The following FBXW7 variants were observed in gnomAD, a reference collection of about 807,000 sequenced individuals.
FBXW7 encodes F-box/WD repeat-containing protein 7.
A neutral mutation model predicts 86.3 loss-of-function variants in FBXW7; 11 were observed. The observed-to-expected ratio is 0.13, with a 90% CI of 0.08 to 0.21. FBXW7 has a LOEUF of 0.21. FBXW7 is among the 10% of genes least tolerant of loss of function. FBXW7 has a pLI of 1.00. For synonymous variants in FBXW7, 313 were observed against 297.9 expected (o/e 1.05, Z -0.52); for missense variants, 488 against 847.4 (o/e 0.58, Z 5.27).
chr4:152,420,497 T>G (rs1288977154), intron 2 of FBXW7, among the ~76,000 whole-genome samples: 1 of 152,200 alleles, frequency 6.6e-6, no homozygotes, highest in Non-Finnish European at 1.5e-5. Context: ...CAGAAGGTTT[T>G]TGGTTTACTT....
chr4:152,346,917 TTAG>T lies in FBXW7; in HGVS notation c.726+10_726+12del. 2 of 1,611,658 alleles carry T rather than the reference TTAG, an allele frequency of 1.2e-6. No individual in the cohort carries two copies. Among genetic ancestry groups the T allele is most frequent in the Non-Finnish European group, 1.7e-6 (2 of 1,179,104 alleles). On this transcript the variant is annotated intron_variant, in intron 6 of 13. Coordinates refer to ENST00000281708, the MANE Select transcript of FBXW7 (RefSeq NM_001349798.2). ...AAGTGAGGCATTTCAAGTACTATGT[TTAG>T]ATATGTCACCTGAAACATTTTTAGC...
intron 4 of FBXW7, among the ~76,000 whole-genome samples, chr4:152,377,109 C>T (rs189715041): frequency 3.9e-5 from 6 of 151,950 alleles, no homozygotes; most frequent in East Asian, 1.9e-4. Flanking sequence ...ATAGTTGAAA[C>T]GTGTTAAGTT....
intron 2 of FBXW7, among the ~76,000 whole-genome samples, chr4:152,464,414 A>G (rs1037249836): frequency 6.6e-6 from 1 of 152,202 alleles, no homozygotes; most frequent in African/African-American, 2.4e-5. Context: ...CAGACTGAGG[A>G]AAAAGGGTAT....
At chr4:152,445,923 A>T (rs1428372904) in intron 2 of FBXW7, among the ~76,000 whole-genome samples, 5,615 of 63,950 alleles carry the variant, frequency 0.088, 407 homozygotes, top group African/African-American at 0.37. Context: ...AAAAAAAAAA[A>T]AAAAAAAAAA....
At chr4:152,414,487 T>C (rs1052450885) in intron 2 of FBXW7, among the ~76,000 whole-genome samples, 2 of 152,114 alleles carry the variant, frequency 1.3e-5, no homozygotes, top group African/African-American at 4.8e-5. Context: ...CACAAATGAC[T>C]ATAAAAGTAT....
At chr4:152,349,925 T>G in intron 5 of FBXW7, 117 bp downstream of exon 5, 2 of 461,106 alleles carry the variant, frequency 4.3e-6, no homozygotes. Flanking sequence ...TCTCAAAATG[T>G]GTTAAACAGT....
At chr4:152,470,011 AAAG>A (rs921997297) in intron 2 of FBXW7, among the ~76,000 whole-genome samples, 4 of 152,076 alleles carry the variant, frequency 2.6e-5, no homozygotes, top group Non-Finnish European at 5.9e-5. Context: ...ATTTTTTAAA[AAAG>A]AAGATGAAAC....
intron 4 of FBXW7, among the ~76,000 whole-genome samples, chr4:152,361,546 T>C (rs927470730): frequency 6.6e-6 from 1 of 152,098 alleles, no homozygotes; most frequent in Non-Finnish European, 1.5e-5. Context: ...GTAAGACTGA[T>C]AGTTAGAAGC....
At chr4:152,376,660 C>G (rs1029755703) in intron 4 of FBXW7, among the ~76,000 whole-genome samples, 1 of 151,866 alleles carries the variant, frequency 6.6e-6, no homozygotes, top group African/African-American at 2.4e-5. Flanking sequence ...GAACCTAACA[C>G]AGTATTGCTA....
At chr4:152,434,181 T>C (rs1420865439) in intron 2 of FBXW7, among the ~76,000 whole-genome samples, 2 of 152,180 alleles carry the variant, frequency 1.3e-5, no homozygotes, top group Admixed American at 6.5e-5. Context: ...GGGATGCCTA[T>C]ATATGGACAG....
chr4:152,436,754 A>G (rs1409529844), intron 2 of FBXW7, among the ~76,000 whole-genome samples: 1 of 152,184 alleles, frequency 6.6e-6, no homozygotes, highest in Non-Finnish European at 1.5e-5. Context: ...TAGGCTAAAT[A>G]TACTCTCCCT....
At chr4:152,473,069 T>C (rs1744104578) in intron 2 of FBXW7, among the ~76,000 whole-genome samples, 1 of 152,102 alleles carries the variant, frequency 6.6e-6, no homozygotes, top group Non-Finnish European at 1.5e-5. Flanking sequence ...GGAGACCCCG[T>C]CTCTATGAAA....
intron 2 of FBXW7, among the ~76,000 whole-genome samples, chr4:152,463,980 C>A (rs1743189990): frequency 6.6e-6 from 1 of 151,954 alleles, no homozygotes; most frequent in South Asian, 2.1e-4. Context: ...AGCAAAAAAA[C>A]AAATGCTAAA....
intron 2 of FBXW7, among the ~76,000 whole-genome samples, chr4:152,437,550 A>C (rs1296911967): frequency 6.6e-6 from 1 of 152,210 alleles, no homozygotes; most frequent in East Asian, 1.9e-4. Flanking sequence ...TAGTTTCCTG[A>C]GACAAAGTTA....
intron 4 of FBXW7, among the ~76,000 whole-genome samples, chr4:152,392,657 G>T (rs1736095697): frequency 6.6e-6 from 1 of 152,164 alleles, no homozygotes. Flanking sequence ...CTTTGACGGT[G>T]ATTGGTCAGG....
chr4:152,452,102 T>A (rs948551089), intron 2 of FBXW7, among the ~76,000 whole-genome samples: 1 of 152,206 alleles, frequency 6.6e-6, no homozygotes, highest in Non-Finnish European at 1.5e-5. Flanking sequence ...GATATGAGCA[T>A]CCAACTGTCT....
intron 6 of FBXW7, among the ~76,000 whole-genome samples, chr4:152,343,023 A>G (rs578221891): frequency 1.7e-4 from 26 of 152,296 alleles, no homozygotes; most frequent in African/African-American, 6.3e-4. Flanking sequence ...AGCAAATAAG[A>G]TGTAAATAAA....
intron 4 of FBXW7, among the ~76,000 whole-genome samples, chr4:152,371,914 G>T (rs1734037282): frequency 1.3e-5 from 2 of 151,898 alleles, no homozygotes; most frequent in Non-Finnish European, 2.9e-5. Context: ...GATTCCTTAA[G>T]GGAAAGGTGT....
At chr4:152,428,326 G>C (rs938193037) in intron 2 of FBXW7, among the ~76,000 whole-genome samples, 1 of 152,032 alleles carries the variant, frequency 6.6e-6, no homozygotes, top group Non-Finnish European at 1.5e-5. Context: ...TTCAGTAAAG[G>C]ATTTTATAAA....
Sources: allele counts gnomAD v4.1 joint callset (sites outside exome capture counted in the v4.1 genomes callset), GRCh38; gene constraint gnomAD v4.1.1; transcripts MANE v1.5; gene names NCBI Gene and HGNC (gene_info 2026-07-23, HGNC 2026-07-21).